The following EREG variants were observed in gnomAD, a reference collection of about 807,000 sequenced individuals.
EREG encodes proepiregulin.
A neutral mutation model predicts 22.4 loss-of-function variants in EREG; 23 were observed. The observed-to-expected ratio is 1.03, with a 90% CI of 0.74 to 1.46. The LOEUF is 1.46. Among genes scored for constraint, EREG ranks in the 40% most tolerant of loss-of-function variants. The pLI is 0.00. For synonymous variants in EREG, 100 were observed against 75.4 expected (o/e 1.33, Z -1.69); for missense variants, 226 against 205.9 (o/e 1.10, Z -0.60).
At chr4:74,382,165 C>A (rs1197718002) in intron 3 of EREG, among the ~76,000 whole-genome samples, 1 of 151,580 alleles carries the variant, frequency 6.6e-6, no homozygotes, top group Admixed American at 6.6e-5. Context: ...ATTAGCGAGG[C>A]GTGGTGGCGC....
rs1375283314 is a variant in EREG, at chr4:74,381,119, T to C, written c.260T>C (p.Met87Thr). 6 of 1,612,610 alleles carry C rather than the reference T, an allele frequency of 3.7e-6. No individual in the cohort carries two copies. In the East Asian group the frequency reaches 1.3e-4, roughly 36 times the overall value. Residue 87 changes from methionine to threonine, a missense_variant, in exon 3 of 5, where the codon ATG becomes ACG. Physicochemically the swap from Met to Thr is moderately conservative, Grantham distance 81. Coordinates refer to ENST00000244869, the MANE Select transcript of EREG (RefSeq NM_001432.3). Reference protein sequence around the residue: ...LHGQCIYLVDMSQNYCRCEVG... With the variant: ...LHGQCIYLVDTSQNYCRCEVG... ...GGACAGTGCATCTATCTGGTGGACA[T>C]GAGTCAAAACTACTGCAGGTAATAT...
chr4:74,377,175 A>AC (rs916283460), intron 1 of EREG, among the ~76,000 whole-genome samples: 1 of 150,878 alleles, frequency 6.6e-6, no homozygotes, highest in African/African-American at 2.5e-5. Context: ...AAAAAAAAAA[A>AC]CATTAGTTTA....
intron 2 of EREG, among the ~76,000 whole-genome samples, chr4:74,380,569 T>C (rs1251819823): frequency 6.6e-6 from 1 of 152,186 alleles, no homozygotes; most frequent in African/African-American, 2.4e-5. Flanking sequence ...TGATTAAAAA[T>C]CCACTGTAGA....
At chr4:74,375,467 C>A (rs1234188029) in intron 1 of EREG, among the ~76,000 whole-genome samples, 4 of 149,802 alleles carry the variant, frequency 2.7e-5, no homozygotes, top group African/African-American at 9.8e-5. Flanking sequence ...TACAGGCGCC[C>A]GCCACCATGC....
rs1159672664 is a variant in EREG, at chr4:74,387,601, T to A, written c.*2793T>A. ...AATAAGACAAAAATAATAGTTTTAG[T>A]GAGGATGGTGCTGAGTAAACATAAA... On this transcript the variant is annotated 3_prime_UTR_variant, in exon 5 of 5. Coordinates refer to ENST00000244869, the MANE Select transcript of EREG (RefSeq NM_001432.3). 1 of 152,172 alleles carries A rather than the reference T, an allele frequency of 6.6e-6. No individual in the cohort carries two copies. The highest frequency in any genetic ancestry group is 1.5e-5 in the Non-Finnish European group (1 of 68,032). 9.4% of individuals were successfully genotyped at this position (152,172 alleles called of 1,614,324 possible). A position where few individuals can be genotyped will look rare whatever the true frequency, so the allele number is the denominator to read the frequency against.
chr4:74,370,684 G>T (rs1182659156), intron 1 of EREG, among the ~76,000 whole-genome samples: 3 of 152,150 alleles, frequency 2.0e-5, no homozygotes, highest in East Asian at 1.9e-4. Flanking sequence ...AGAGAGAGGG[G>T]TTACTGAGCT....
Position 74,386,031 on chromosome 4 carries a change from T to A in EREG, c.*1223T>A. 2.7e-6 allele frequency: 1 copy of A among 367,876 alleles called. No individual in the cohort carries two copies. The highest frequency in any genetic ancestry group is 4.8e-6 in the Non-Finnish European group (1 of 206,352). 22.8% of individuals were successfully genotyped at this position (367,876 alleles called of 1,614,324 possible). Reference sequence around the variant, plus strand: ...TGGAGGCTGAGATGAAAACTAGGGCTCATTTTCCTGACATTTGTTTATTTT... The same window carrying A: ...TGGAGGCTGAGATGAAAACTAGGGCACATTTTCCTGACATTTGTTTATTTT... On this transcript the variant is annotated 3_prime_UTR_variant, in exon 5 of 5. Transcript: ENST00000244869.
At chr4:74,380,420 T>C (rs1000176130) in intron 2 of EREG, among the ~76,000 whole-genome samples, 14 of 152,236 alleles carry the variant, frequency 9.2e-5, no homozygotes, top group African/African-American at 3.4e-4. Context: ...ATTGCTGTTA[T>C]TTGTCTACCA....
Position 74,388,611 on chromosome 4 carries a change from G to A in EREG, c.*3803G>A, listed in dbSNP as rs1376123264. The A allele has an allele frequency of 6.6e-6, 1 of 152,486 alleles. No individual in the cohort carries two copies. Among genetic ancestry groups the A allele is most frequent in the African/African-American group, 2.4e-5 (1 of 41,396 alleles). 9.4% of individuals were successfully genotyped at this position (152,486 alleles called of 1,614,324 possible). A position where few individuals can be genotyped will look rare whatever the true frequency, so the allele number is the denominator to read the frequency against. Reference sequence around the variant, plus strand: ...ATCAATTTGTTTGTGTTCAATATCAGCTTTGATAATTGTGTACCTTAAGAT... The same window carrying A: ...ATCAATTTGTTTGTGTTCAATATCAACTTTGATAATTGTGTACCTTAAGAT... On this transcript the variant is annotated 3_prime_UTR_variant, in exon 5 of 5. Transcript: ENST00000244869.
At chr4:74,365,971 C>A (rs1038002952) in intron 1 of EREG, among the ~76,000 whole-genome samples, 7 of 152,032 alleles carry the variant, frequency 4.6e-5, no homozygotes, top group Non-Finnish European at 1.0e-4. Context: ...CAGGTCCTGG[C>A]GCTCCCCACC....
chr4:74,379,426 T>C (rs1487323820), intron 1 of EREG, 22 bp from the exon 2 acceptor site: 1 of 1,421,194 alleles, frequency 7.0e-7, no homozygotes. Flanking sequence ...TAGTTATATA[T>C]TCGATTTTTC....
chr4:74,386,834 C>T lies in EREG; in HGVS notation c.*2026C>T, dbSNP rs563375767. On this transcript the variant is annotated 3_prime_UTR_variant, in exon 5 of 5. Transcript: ENST00000244869. ...TGAGATGGAGTCTCGCTCTGTTGCC[C>T]AGGTTGGAGTGCAGTGGCACGATCT... The T allele has an allele frequency of 5.3e-5, 8 of 152,106 alleles. No homozygotes were observed. The East Asian group carries it at 1.4e-3, about 26-fold the overall frequency. The allele number at this position is 152,106 out of a possible 1,614,324, so 9.4% of individuals were successfully genotyped here. A position where few individuals can be genotyped will look rare whatever the true frequency, so the allele number is the denominator to read the frequency against.
chr4:74,374,695 G>A (rs1031662099), intron 1 of EREG, among the ~76,000 whole-genome samples: 1 of 152,090 alleles, frequency 6.6e-6, no homozygotes. Context: ...TCCTATGATG[G>A]CACTCAACCT....
At chr4:74,374,042 T>C (rs1752338864) in intron 1 of EREG, among the ~76,000 whole-genome samples, 1 of 152,110 alleles carries the variant, frequency 6.6e-6, no homozygotes, top group Non-Finnish European at 1.5e-5. Context: ...AAATGAACAG[T>C]CTGAGTAGGT....
At chr4:74,383,437 T>C (rs1228524684) in intron 4 of EREG, among the ~76,000 whole-genome samples, 1 of 152,122 alleles carries the variant, frequency 6.6e-6, no homozygotes, top group Non-Finnish European at 1.5e-5. Flanking sequence ...AAAATGGTTG[T>C]TAAAAAATAG....
rs1752563226 is a variant in EREG at position 74,386,035 on chromosome 4, T to C, written c.*1227T>C. 2.7e-6 allele frequency: 1 copy of C among 364,816 alleles called. No homozygotes were observed. The highest frequency in any genetic ancestry group is 4.7e-5 in the Admixed American group (1 of 21,464). The allele number at this position is 364,816 out of a possible 1,614,324, so 22.6% of individuals were successfully genotyped here. ...GGCTGAGATGAAAACTAGGGCTCATTTTCCTGACATTTGTTTATTTTTTGG... is the reference window on the plus strand; with the variant it reads ...GGCTGAGATGAAAACTAGGGCTCATCTTCCTGACATTTGTTTATTTTTTGG... On this transcript the variant is annotated 3_prime_UTR_variant, in exon 5 of 5. Transcript: ENST00000244869.
intron 1 of EREG, among the ~76,000 whole-genome samples, chr4:74,368,145 A>G (rs2110382727): frequency 6.6e-6 from 1 of 152,332 alleles, no homozygotes; most frequent in East Asian, 1.9e-4. Context: ...GAGAAGTTCC[A>G]GAGTAGCTGG....
In EREG at chr4:74,381,046, G is replaced by A. The variant is rs756509590; in HGVS notation, c.187G>A (p.Val63Met). The A allele has an allele frequency of 4.3e-6, 7 of 1,613,788 alleles. No individual in the cohort carries two copies. The highest frequency in any genetic ancestry group is 5.9e-6 in the Non-Finnish European group (7 of 1,179,834). ...QTEDNPRVAQ[V>M]SITKCSSDMN... ...AGAAGACAATCCACGTGTGGCTCAA[G>A]TGTCAATAACAAAGTGTAGCTCTGA... Residue 63 changes from valine to methionine, a missense_variant, in exon 3 of 5, where the codon GTG becomes ATG. By Grantham distance (21) the Val-to-Met change is conservative. Coordinates refer to ENST00000244869, the MANE Select transcript of EREG (RefSeq NM_001432.3).
At chr4:74,377,011 G>A (rs182136427) in intron 1 of EREG, among the ~76,000 whole-genome samples, 193 of 151,994 alleles carry the variant, frequency 1.3e-3, no homozygotes, top group African/African-American at 4.3e-3. Context: ...TGTATTACAC[G>A]AATTAAATCT....
Sources: gnomAD v4.1 joint callset for allele counts (sites outside exome capture counted in the v4.1 genomes callset) on GRCh38, gnomAD v4.1.1 for gene constraint, MANE v1.5 for transcripts, NCBI Gene and HGNC (gene_info 2026-07-23, HGNC 2026-07-21) for gene names.